Variants in JPH1 observed in about 807,000 individuals in gnomAD.
JPH1 encodes junctophilin 1, also known as junctophilin-1.
In JPH1, 12 loss-of-function variants were observed where a neutral mutation model predicts 53.6. The ratio of observed to expected loss-of-function variants is 0.22; its 90% CI spans 0.14 to 0.36. The LOEUF (loss-of-function observed/expected upper bound fraction) is 0.36, where lower values mean the gene tolerates loss of function less well. Ranked by LOEUF, JPH1 falls within the 10% of genes least tolerant of loss-of-function variation. The pLI, the probability that JPH1 is intolerant of heterozygous loss-of-function variation, is 1.00. For synonymous variants in JPH1, 375 were observed against 363.8 expected (o/e 1.03, Z -0.35); for missense variants, 808 against 905.5 (o/e 0.89, Z 1.38).
In JPH1 at chr8:74,321,043, T is replaced by A; in HGVS notation, c.245A>T (p.Tyr82Phe). 1 of 1,613,402 alleles carries A rather than the reference T, an allele frequency of 6.2e-7. No individual in the cohort carries two copies. Among genetic ancestry groups the A allele is most frequent in the Non-Finnish European group, 8.5e-7 (1 of 1,179,708 alleles). Residue 82 changes from tyrosine (Y) to phenylalanine (F), a missense_variant, in exon 1 of 6, where the codon TAC (tyrosine) becomes TTC (phenylalanine). Tyr to Phe is a conservative substitution (Grantham distance 22). This residue lies in a region of JPH1 where 756 missense variants were observed against 811.9 expected (regional missense o/e 0.93). Transcript: ENST00000342232. The surrounding 1 kb of genome is among the most constrained non-coding windows in gnomAD (Gnocchi z 4.3). ...GAAACCATGTGACCACTCCCCCCGG[T>A]ACATCCACTTGCCCTTCGTCTCCAC... ...LGVETKGKWMYRGEWSHGFKG... is the reference protein window; with the variant it reads ...LGVETKGKWMFRGEWSHGFKG...
At chr8:74,255,713 C>T (rs560911770) in intron 3 of JPH1, among the ~76,000 whole-genome samples, 3 of 152,062 alleles carry the variant, frequency 2.0e-5, no homozygotes, top group East Asian at 3.9e-4. Flanking sequence ...AAAACAACCC[C>T]ATCAAAAAGT....
chr8:74,304,907 T>C (rs1807789534), intron 2 of JPH1, among the ~76,000 whole-genome samples: 1 of 152,234 alleles, frequency 6.6e-6, no homozygotes, highest in Non-Finnish European at 1.5e-5. Context: ...TTGTACTATT[T>C]GGGAGCCAAT....
At chr8:74,285,350 A>G (rs951086617) in intron 2 of JPH1, among the ~76,000 whole-genome samples, 2 of 152,036 alleles carry the variant, frequency 1.3e-5, no homozygotes, top group Non-Finnish European at 1.5e-5. Context: ...TGTATTTAAA[A>G]TATTTTCTAG....
At chr8:74,296,610 G>C (rs796478287) in intron 2 of JPH1, among the ~76,000 whole-genome samples, 29 of 152,266 alleles carry the variant, frequency 1.9e-4, no homozygotes, top group African/African-American at 6.5e-4. Context: ...AGAAAATCCA[G>C]TTATGCAAAG....
rs1806957644 is a variant in JPH1 at position 74,235,059 on chromosome 8, T to C, written c.*1992A>G. The stretch of plus-strand genomic sequence containing the variant: ...TCACTTTATAAACATATCCTCTCGC[T>C]ATCTGTTACCCATTATTTCCAAAGC... On this transcript the variant is annotated 3_prime_UTR_variant, in exon 6 of 6. Coordinates refer to ENST00000342232, the MANE Select transcript of JPH1 (RefSeq NM_020647.4). 6.6e-6 allele frequency: 1 copy of C among 152,516 alleles called. No individual in the cohort carries two copies. Among genetic ancestry groups the C allele is most frequent in the Non-Finnish European group, 1.5e-5 (1 of 68,022 alleles). The allele number at this position is 152,516 out of a possible 1,614,324, so 9.4% of individuals were successfully genotyped here. A position where few individuals can be genotyped will look rare whatever the true frequency, so the allele number is the denominator to read the frequency against.
intron 3 of JPH1, among the ~76,000 whole-genome samples, chr8:74,249,158 C>A (rs935445497): frequency 6.6e-6 from 1 of 152,196 alleles, no homozygotes; most frequent in African/African-American, 2.4e-5. Flanking sequence ...AGCAGGGTAT[C>A]CAGCTAGTTC....
chr8:74,238,016 C>G (rs1807049463), intron 4 of JPH1, among the ~76,000 whole-genome samples: 1 of 152,172 alleles, frequency 6.6e-6, no homozygotes, highest in South Asian at 2.1e-4. Context: ...CAAATTTTTA[C>G]TTGTTTAAAC....
In JPH1 at chr8:74,321,401, T is replaced by C; in HGVS notation, c.-114A>G. 9.4e-7 allele frequency: 1 copy of C among 1,066,266 alleles called. No homozygotes were observed. The highest frequency in any genetic ancestry group is 1.2e-6 in the Non-Finnish European group (1 of 802,774). The allele number at this position is 1,066,266 out of a possible 1,614,324, so 66.1% of individuals were successfully genotyped here. On this transcript the variant is annotated 5_prime_UTR_variant, in exon 1 of 6. Coordinates refer to ENST00000342232, the MANE Select transcript of JPH1 (RefSeq NM_020647.4). This position sits in a 1 kb window ranked among gnomAD's most constrained non-coding sequence, Gnocchi z 4.3. ...GGCGGGCGAGCTCACGACAGCGCCC[T>C]GGGCAGCTCGCGCTGCCGCTCGGCT...
intron 2 of JPH1, among the ~76,000 whole-genome samples, chr8:74,307,304 A>G (rs547542970): frequency 6.6e-6 from 1 of 152,316 alleles, no homozygotes; most frequent in South Asian, 2.1e-4. Context: ...ATAGTTTACA[A>G]AGACCCGTGA....
At chr8:74,248,517 G>A (rs931594390) in intron 3 of JPH1, among the ~76,000 whole-genome samples, 1 of 152,182 alleles carries the variant, frequency 6.6e-6, no homozygotes, top group Admixed American at 6.5e-5. Context: ...TTGACACTAT[G>A]CTAGCAATAT....
intron 2 of JPH1, among the ~76,000 whole-genome samples, chr8:74,282,615 C>T (rs1563409979): frequency 1.3e-5 from 2 of 152,216 alleles, no homozygotes; most frequent in African/African-American, 4.8e-5. Flanking sequence ...AAGTTAATCT[C>T]ATAGAAGTAG....
At chr8:74,287,306 T>C in intron 2 of JPH1, among the ~76,000 whole-genome samples, 1 of 151,744 alleles carries the variant, frequency 6.6e-6, no homozygotes, top group East Asian at 1.9e-4. Flanking sequence ...TGCGTGCCTG[T>C]AAACACAGCT....
intron 2 of JPH1, among the ~76,000 whole-genome samples, chr8:74,295,431 T>C (rs1053968514): frequency 8.5e-5 from 13 of 152,214 alleles, no homozygotes; most frequent in African/African-American, 3.1e-4. Context: ...CACTGTCTTT[T>C]CACAATACTT....
chr8:74,236,272 A>G lies in JPH1; in HGVS notation c.*779T>C, dbSNP rs114729622. Reference sequence around the variant, plus strand: ...GAATAAATGACATAAAAGATGGTATATTGCTATCAAAATAAGCACATTTTC... The same window carrying G: ...GAATAAATGACATAAAAGATGGTATGTTGCTATCAAAATAAGCACATTTTC... On this transcript the variant is annotated 3_prime_UTR_variant, in exon 6 of 6. Coordinates refer to ENST00000342232, the MANE Select transcript of JPH1 (RefSeq NM_020647.4). The G allele has an allele frequency of 1.4e-4, 22 of 152,352 alleles. No homozygotes were observed. Among genetic ancestry groups the G allele is most frequent in the African/African-American group, 5.3e-4 (22 of 41,580 alleles). The allele number at this position is 152,352 out of a possible 1,614,324, so 9.4% of individuals were successfully genotyped here. A position where few individuals can be genotyped will look rare whatever the true frequency, so the allele number is the denominator to read the frequency against.
At chr8:74,287,328 G>A (rs566073340) in intron 2 of JPH1, among the ~76,000 whole-genome samples, 3 of 151,892 alleles carry the variant, frequency 2.0e-5, no homozygotes, top group East Asian at 1.9e-4. Context: ...CTTGGGAGGC[G>A]GAGACACGAG....
At chr8:74,301,866 A>C (rs1264394353) in intron 2 of JPH1, among the ~76,000 whole-genome samples, 1 of 152,222 alleles carries the variant, frequency 6.6e-6, no homozygotes, top group Non-Finnish European at 1.5e-5. Context: ...GGCCAAATGA[A>C]GTCTATGACT....
Position 74,290,827 on chromosome 8 carries a change from C to T in JPH1, c.1139+24034G>A, listed in dbSNP as rs1807303343. 2.0e-5 allele frequency among the ~76,000 whole-genome samples: 3 copies of T among 152,266 alleles called. No homozygotes were observed. In the South Asian group the frequency reaches 6.2e-4, roughly 32 times the overall value. The stretch of plus-strand genomic sequence containing the variant: ...AACAGAGCCCTCAGAAATAATACCA[C>T]ACATCTACAACCATCTGATCTTTGA... On this transcript the variant is annotated intron_variant, in intron 2 of 5. Coordinates refer to ENST00000342232, the MANE Select transcript of JPH1 (RefSeq NM_020647.4).
intron 2 of JPH1, among the ~76,000 whole-genome samples, chr8:74,274,551 C>T (rs1280236693): frequency 6.6e-6 from 1 of 152,176 alleles, no homozygotes; most frequent in African/African-American, 2.4e-5. Context: ...TTGCCTCCTC[C>T]ACTGCCATTA....
Position 74,308,806 on chromosome 8 carries a change from G to A in JPH1, c.1139+6055C>T, listed in dbSNP as rs151030801. Among the ~76,000 whole-genome samples, 11 of 152,344 alleles carry A rather than the reference G, an allele frequency of 7.2e-5. No homozygotes were observed. In the East Asian group the frequency reaches 1.7e-3, roughly 24 times the overall value. On this transcript the variant is annotated intron_variant, in intron 2 of 5. Coordinates refer to ENST00000342232, the MANE Select transcript of JPH1 (RefSeq NM_020647.4). ...CAGAGTGAGGACCCAGCAGCCTGAG[G>A]AGCCAGCCAGAGGGAGCAGGGACAG... is the stretch of plus-strand genomic sequence containing the variant.
Sources: gnomAD v4.1 joint callset for allele counts (sites outside exome capture counted in the v4.1 genomes callset) on GRCh38, gnomAD v4.1.1 for gene constraint, gnomAD v4.1.1 regional missense constraint, Gnocchi (gnomAD v3.1) non-coding constraint, MANE v1.5 for transcripts, NCBI Gene and HGNC (gene_info 2026-07-23, HGNC 2026-07-21) for gene names.